The following PKIA variants were observed in gnomAD, a reference collection of about 807,000 sequenced individuals.
PKIA encodes cAMP-dependent protein kinase inhibitor alpha.
PKIA carries 4 observed loss-of-function variants against 7.6 expected under a neutral mutation model. That is an observed-to-expected ratio of 0.52 (90% confidence interval 0.26 to 1.20). The LOEUF (loss-of-function observed/expected upper bound fraction) is 1.20. Among genes scored for constraint, PKIA ranks in the 50% most tolerant of loss-of-function variants. The pLI, the probability that PKIA is intolerant of heterozygous loss-of-function variation, is 0.13. For missense variants in PKIA, 73 were observed against 86.2 expected (o/e 0.85, Z 0.61); for synonymous variants, 21 against 30.7 (o/e 0.68, Z 1.04).
chr8:78,557,025 T>C (rs1022600450), intron 1 of PKIA, among the ~76,000 whole-genome samples: 2 of 152,276 alleles, frequency 1.3e-5, no homozygotes, highest in Middle Eastern at 3.4e-3. Context: ...CTTCCTCTAA[T>C]TTTGTATGTG....
At position 78,517,949 on chromosome 8, in the gene PKIA, T is replaced by C. The variant is rs1171724209; in HGVS notation, c.-157+1481T>C. ...ACTCAACAGCCATGCAATTTTATTT[T>C]AGTAAATTAAATTAGAAGATCAATG... is the stretch of plus-strand genomic sequence containing the variant. On this transcript the variant is annotated intron_variant, in intron 1 of 3. Transcript: ENST00000396418. Among the ~76,000 whole-genome samples, 3 of 152,252 alleles carry C rather than the reference T, an allele frequency of 2.0e-5. No homozygotes were observed. In the East Asian group the frequency reaches 5.8e-4, roughly 29 times the overall value.
chr8:78,545,612 C>A (rs1397657669), intron 1 of PKIA, among the ~76,000 whole-genome samples: 2 of 151,994 alleles, frequency 1.3e-5, no homozygotes, highest in Non-Finnish European at 2.9e-5. Context: ...TCTGTCTTCC[C>A]TGAATACAAA....
intron 1 of PKIA, among the ~76,000 whole-genome samples, chr8:78,567,875 G>A (rs1807455482): frequency 6.6e-6 from 1 of 152,082 alleles, no homozygotes; most frequent in African/African-American, 2.4e-5. Context: ...TAACCATTAT[G>A]AACTCTTTCA....
At chr8:78,594,805 A>G (rs775388861) in intron 2 of PKIA, among the ~76,000 whole-genome samples, 6 of 152,194 alleles carry the variant, frequency 3.9e-5, no homozygotes, top group Non-Finnish European at 7.3e-5. Context: ...AAAAAGAAAG[A>G]ATGGTGATTA....
chr8:78,526,274 C>T (rs557364499), intron 1 of PKIA, among the ~76,000 whole-genome samples: 40 of 152,138 alleles, frequency 2.6e-4, no homozygotes, highest in Non-Finnish European at 2.6e-4. Flanking sequence ...AGGCTCTGAT[C>T]AGCAGTGGCT....
intron 2 of PKIA, among the ~76,000 whole-genome samples, chr8:78,583,961 G>A (rs556905774): frequency 6.2e-4 from 94 of 152,176 alleles, no homozygotes; most frequent in African/African-American, 1.9e-3. Flanking sequence ...ACAGGCGAGG[G>A]AGTATAGAAA....
At chr8:78,525,938 G>A (rs1809536058) in intron 1 of PKIA, among the ~76,000 whole-genome samples, 1 of 151,990 alleles carries the variant, frequency 6.6e-6, no homozygotes, top group Non-Finnish European at 1.5e-5. Context: ...TCTGTGAGTT[G>A]TTTCCTGATA....
At chr8:78,535,421 G>A (rs1342181682) in intron 1 of PKIA, 1 of 152,066 alleles carries the variant, frequency 6.6e-6, no homozygotes, top group East Asian at 1.9e-4. Context: ...TTAGGGATGG[G>A]GTCCACTTGG....
At chr8:78,522,738 C>G (rs1225898080) in intron 1 of PKIA, among the ~76,000 whole-genome samples, 1 of 151,896 alleles carries the variant, frequency 6.6e-6, no homozygotes, top group East Asian at 1.9e-4. Context: ...GTAGAAACAT[C>G]TCTAGCTAGT....
chr8:78,554,435 T>C (rs1807076734), intron 1 of PKIA, among the ~76,000 whole-genome samples: 1 of 151,930 alleles, frequency 6.6e-6, no homozygotes, highest in South Asian at 2.1e-4. Context: ...AGGAACTTAA[T>C]ATTGACCTAA....
In PKIA at chr8:78,596,406, A is replaced by AT. The variant is rs533789811; in HGVS notation, c.-27-1947dup. ...AGGCACCCAACACCAGGCCTAGCTA[A>AT]TTTTTGTATTTTTAGTAGAGACGGA... On this transcript the variant is annotated intron_variant, in intron 2 of 3. Transcript: ENST00000396418. 1.3e-3 allele frequency among the ~76,000 whole-genome samples: 200 copies of AT among 151,168 alleles called. 1 individual carries two copies. The highest frequency in any genetic ancestry group is 1.9e-3 in the Non-Finnish European group (129 of 67,714).
At chr8:78,568,411 C>T (rs1585906657) in intron 1 of PKIA, among the ~76,000 whole-genome samples, 1 of 152,170 alleles carries the variant, frequency 6.6e-6, no homozygotes, top group African/African-American at 2.4e-5. Flanking sequence ...TATAGTCAAA[C>T]TTCAATTTAT....
At chr8:78,540,793 T>C (rs1015146958) in intron 1 of PKIA, among the ~76,000 whole-genome samples, 6 of 151,948 alleles carry the variant, frequency 3.9e-5, no homozygotes, top group Admixed American at 1.3e-4. Context: ...TCTACAAAAA[T>C]CTGTATTACA....
intron 1 of PKIA, among the ~76,000 whole-genome samples, chr8:78,523,644 T>C (rs1315550778): frequency 6.6e-6 from 1 of 151,752 alleles, no homozygotes; most frequent in African/African-American, 2.4e-5. Flanking sequence ...AATTGAAATG[T>C]AGAGGAAAAT....
intron 1 of PKIA, among the ~76,000 whole-genome samples, chr8:78,532,109 C>G (rs1039357728): frequency 6.6e-6 from 1 of 151,998 alleles, no homozygotes; most frequent in Non-Finnish European, 1.5e-5. Flanking sequence ...GTTTGTTGTA[C>G]AAATTATTTC....
chr8:78,588,542 A>G (rs1291677067), intron 2 of PKIA, among the ~76,000 whole-genome samples: 2 of 152,196 alleles, frequency 1.3e-5, no homozygotes. Flanking sequence ...ACAATTTGAT[A>G]TGGATGACTA....
rs548228869 is a variant in PKIA at position 78,557,937 on chromosome 8, G to A, written c.-156-14874G>A. Among the ~76,000 whole-genome samples the A allele has an allele frequency of 4.6e-4, 70 of 152,188 alleles. 1 individual carries two copies. In the South Asian group the frequency reaches 0.014, roughly 30 times the overall value. On this transcript the variant is annotated intron_variant, in intron 1 of 3. Coordinates refer to ENST00000396418, the MANE Select transcript of PKIA (RefSeq NM_006823.4). ...GTTTTGTAAATTTATGTGACACTTT[G>A]TTTTAAGCTAATTATAAATGTAAAT...
intron 2 of PKIA, among the ~76,000 whole-genome samples, chr8:78,594,498 C>T (rs141193173): frequency 6.0e-4 from 91 of 152,250 alleles, no homozygotes; most frequent in African/African-American, 2.0e-3. Flanking sequence ...GTAACACTTA[C>T]TGCAGCATTT....
At chr8:78,517,315 C>T (rs561250995) in intron 1 of PKIA, among the ~76,000 whole-genome samples, 3 of 152,290 alleles carry the variant, frequency 2.0e-5, no homozygotes, top group African/African-American at 7.2e-5. Context: ...TAACTCCCTT[C>T]GCTGTAGTCA....
Sources: gnomAD v4.1 joint callset for allele counts (sites outside exome capture counted in the v4.1 genomes callset) on GRCh38, gnomAD v4.1.1 for gene constraint, MANE v1.5 for transcripts, NCBI Gene and HGNC (gene_info 2026-07-23, HGNC 2026-07-21) for gene names.